The following HNRNPLL variants were observed in gnomAD, a reference collection of about 807,000 sequenced individuals.
HNRNPLL encodes heterogeneous nuclear ribonucleoprotein L-like.
HNRNPLL carries 25 observed loss-of-function variants against 67.1 expected under a neutral mutation model. The observed-to-expected ratio is 0.37, with a 90% CI of 0.27 to 0.52. The LOEUF is 0.52. Among genes scored for constraint, HNRNPLL ranks in the 20% least tolerant of loss-of-function variants. The probability of loss-of-function intolerance (pLI) is 0.90; values close to 1 mark genes in which losing one functional copy is unlikely to be tolerated. For synonymous variants in HNRNPLL, 267 were observed against 241.7 expected (o/e 1.10, Z -0.97); for missense variants, 542 against 673.9 (o/e 0.80, Z 2.17).
At chr2:38,599,954 C>A in intron 1 of HNRNPLL, 1 of 468,532 alleles carries the variant, frequency 2.1e-6, no homozygotes, top group South Asian at 1.6e-5. Flanking sequence ...GCTGAAGGAC[C>A]ACTGAAGTTG....
In HNRNPLL at chr2:38,602,797, G is replaced by A; in HGVS notation, c.-171C>T. 6.5e-7 allele frequency: 1 copy of A among 1,538,098 alleles called. No individual in the cohort carries two copies. The highest frequency in any genetic ancestry group is 8.8e-7 in the Non-Finnish European group (1 of 1,141,834). On this transcript the variant is annotated 5_prime_UTR_variant, in exon 1 of 13. Coordinates refer to ENST00000449105, the MANE Select transcript of HNRNPLL (RefSeq NM_138394.4). ...CAGGAGACTGGCGGCTGAGAAGCGCGGACGGACTGAGGGGGGCGCCCCGGG... is the reference window on the plus strand; with the variant it reads ...CAGGAGACTGGCGGCTGAGAAGCGCAGACGGACTGAGGGGGGCGCCCCGGG...
chr2:38,594,085 G>A (rs902205477), intron 1 of HNRNPLL, among the ~76,000 whole-genome samples: 1 of 151,416 alleles, frequency 6.6e-6, no homozygotes, highest in East Asian at 1.9e-4. Context: ...TGAGGCAGGA[G>A]AATGGCGTGA....
intron 3 of HNRNPLL, among the ~76,000 whole-genome samples, chr2:38,584,883 T>C (rs920207719): frequency 2.0e-5 from 3 of 152,042 alleles, no homozygotes; most frequent in Non-Finnish European, 4.4e-5. Flanking sequence ...CTAGATTAGT[T>C]ACATGTTTTC....
chr2:38,580,163 T>TA (rs1250394186), intron 6 of HNRNPLL, among the ~76,000 whole-genome samples: 2 of 152,244 alleles, frequency 1.3e-5, no homozygotes, highest in East Asian at 1.9e-4. Context: ...GAGATTTTTT[T>TA]AAAAAAACAA....
chr2:38,601,430 A>G (rs1667427993), intron 1 of HNRNPLL, among the ~76,000 whole-genome samples: 2 of 152,210 alleles, frequency 1.3e-5, no homozygotes, highest in South Asian at 2.1e-4. Flanking sequence ...TAATTCTGTT[A>G]AAGTTTGCAG....
At chr2:38,570,723 C>G (rs1666044316) in intron 8 of HNRNPLL, among the ~76,000 whole-genome samples, 1 of 152,232 alleles carries the variant, frequency 6.6e-6, no homozygotes, top group South Asian at 2.1e-4. Context: ...GGGATACATT[C>G]CAAGAACCCC....
chr2:38,598,268 G>C (rs1013870020), intron 1 of HNRNPLL, among the ~76,000 whole-genome samples: 2 of 152,124 alleles, frequency 1.3e-5, no homozygotes, highest in Non-Finnish European at 2.9e-5. Flanking sequence ...GGAAAGAGAG[G>C]ATGCTCTTTA....
chr2:38,600,356 G>A (rs964254023), intron 1 of HNRNPLL, among the ~76,000 whole-genome samples: 2 of 152,094 alleles, frequency 1.3e-5, no homozygotes, highest in African/African-American at 4.8e-5. Flanking sequence ...GGTTAAAAAA[G>A]GCATGTGTTT....
At chr2:38,574,435 G>A (rs1184872789) in intron 7 of HNRNPLL, among the ~76,000 whole-genome samples, 1 of 151,862 alleles carries the variant, frequency 6.6e-6, no homozygotes, top group Admixed American at 6.6e-5. Flanking sequence ...AGGTCCCCCT[G>A]ATGTGCAAAA....
rs528388505 is a variant in HNRNPLL at position 38,567,201 on chromosome 2, C to G, written c.1573+998G>C. The stretch of plus-strand genomic sequence containing the variant: ...TCACTGCAACCTCACCTCCCAGGTT[C>G]AAGCAATTCTCCTGCCTCAGCCTCC... On this transcript the variant is annotated intron_variant, in intron 12 of 12. Transcript: ENST00000449105. Among the ~76,000 whole-genome samples the G allele has an allele frequency of 2.6e-5, 4 of 152,308 alleles. No homozygotes were observed. In the South Asian group the frequency reaches 8.3e-4, roughly 32 times the overall value.
intron 1 of HNRNPLL, among the ~76,000 whole-genome samples, chr2:38,594,015 A>T (rs1239940127): frequency 2.0e-5 from 3 of 152,116 alleles, no homozygotes; most frequent in Admixed American, 2.0e-4. Context: ...TCTACTAAAA[A>T]TACAAAAAAA....
chr2:38,587,994 C>G (rs1250034997), intron 2 of HNRNPLL, among the ~76,000 whole-genome samples: 2 of 152,046 alleles, frequency 1.3e-5, no homozygotes, highest in Non-Finnish European at 2.9e-5. Context: ...CTCTCTCTCT[C>G]CTGCTGGCTA....
intron 1 of HNRNPLL, among the ~76,000 whole-genome samples, 195 bp from the exon 2 acceptor site, chr2:38,591,843 G>C (rs1666969156): frequency 6.6e-6 from 1 of 152,026 alleles, no homozygotes; most frequent in African/African-American, 2.4e-5. Context: ...AGGCATGGTG[G>C]CACGTGTCTG....
At chr2:38,601,306 T>A (rs919633) in intron 1 of HNRNPLL, among the ~76,000 whole-genome samples, 5 of 152,194 alleles carry the variant, frequency 3.3e-5, no homozygotes, top group East Asian at 1.9e-4. Flanking sequence ...AGCCTTTTTT[T>A]TTATTATTTA....
At position 38,602,891 on chromosome 2, in the gene HNRNPLL, C is replaced by A. The variant is rs1229086766; in HGVS notation, c.-265G>T. On this transcript the variant is annotated 5_prime_UTR_variant, in exon 1 of 13. Coordinates refer to ENST00000449105, the MANE Select transcript of HNRNPLL (RefSeq NM_138394.4). ...ATTCAGCCTCTCCCTCCTCCTCCTC[C>A]GTCTCCGCTCCCTGCCCGGAGGAGC... The A allele has an allele frequency of 1.9e-5, 30 of 1,547,454 alleles. No individual in the cohort carries two copies. The highest frequency in any genetic ancestry group is 2.5e-5 in the Non-Finnish European group (29 of 1,144,734).
intron 7 of HNRNPLL, among the ~76,000 whole-genome samples, chr2:38,574,813 T>C (rs1338609920): frequency 3.9e-5 from 6 of 152,032 alleles, no homozygotes; most frequent in Non-Finnish European, 8.8e-5. Flanking sequence ...AAACAATCCA[T>C]ATGAGCGACT....
chr2:38,576,223 T>C (rs1049202998), intron 7 of HNRNPLL, among the ~76,000 whole-genome samples: 15 of 151,776 alleles, frequency 9.9e-5, no homozygotes, highest in Non-Finnish European at 3.0e-5. Context: ...TTTGGCAAAA[T>C]ATTTAACCAG....
intron 7 of HNRNPLL, among the ~76,000 whole-genome samples, chr2:38,575,177 C>T (rs1407941902): frequency 6.6e-6 from 1 of 151,614 alleles, no homozygotes; most frequent in African/African-American, 2.4e-5. Flanking sequence ...GACTTTGAGC[C>T]ATCATTATTA....
chr2:38,577,539 CA>C lies in HNRNPLL; in HGVS notation c.803-8del. ...TGGCGACCCTTTCCTCTATCTGACACAAAAGTAGAAACATGGTTTTAACAAT... is the reference window on the plus strand; with the variant it reads ...TGGCGACCCTTTCCTCTATCTGACACAAAGTAGAAACATGGTTTTAACAAT... On this transcript the variant is annotated splice_region_variant and splice_polypyrimidine_tract_variant and intron_variant, in intron 6 of 12. Transcript: ENST00000449105. 1.3e-6 allele frequency: 2 copies of C among 1,592,934 alleles called. No homozygotes were observed. Among genetic ancestry groups the C allele is most frequent in the East Asian group, 2.2e-5 (1 of 44,720 alleles).
Sources: allele counts gnomAD v4.1 joint callset (sites outside exome capture counted in the v4.1 genomes callset), GRCh38; gene constraint gnomAD v4.1.1; transcripts MANE v1.5; gene names NCBI Gene and HGNC (gene_info 2026-07-23, HGNC 2026-07-21).